Variants in PLXNA4 observed in about 807,000 individuals in gnomAD.
PLXNA4 encodes the protein plexin A4.
In PLXNA4, 44 loss-of-function variants were observed where a neutral mutation model predicts 191.8. That is an observed-to-expected ratio of 0.23 (90% confidence interval 0.18 to 0.29). The LOEUF (loss-of-function observed/expected upper bound fraction) is 0.29. Among genes scored for constraint, PLXNA4 ranks in the 10% least tolerant of loss-of-function variants. The pLI, the probability that PLXNA4 is intolerant of heterozygous loss-of-function variation, is 1.00. For synonymous variants in PLXNA4, 1,082 were observed against 1,009.5 expected (o/e 1.07, Z -1.36); for missense variants, 1,800 against 2,488.8 (o/e 0.72, Z 5.89).
At chr7:132,415,242 C>T (rs1352960659) in intron 3 of PLXNA4, among the ~76,000 whole-genome samples, 3 of 152,228 alleles carry the variant, frequency 2.0e-5, no homozygotes, top group Non-Finnish European at 2.9e-5. Flanking sequence ...ATGGGGTCAT[C>T]GCCCTGCTCC....
chr7:132,567,963 T>C (rs773572858), intron 1 of PLXNA4, among the ~76,000 whole-genome samples: 18 of 152,110 alleles, frequency 1.2e-4, no homozygotes, highest in Non-Finnish European at 2.4e-4. Context: ...CAAGTGCATT[T>C]AGGGAGGAAG....
At chr7:132,325,808 A>T (rs1802334679) in intron 3 of PLXNA4, among the ~76,000 whole-genome samples, 1 of 152,170 alleles carries the variant, frequency 6.6e-6, no homozygotes. Flanking sequence ...AAACTGACAC[A>T]CGTAAGCCCA....
At chr7:132,595,661 G>A (rs1802696623) in intron 2 of PLXNA4, among the ~76,000 whole-genome samples, 1 of 152,294 alleles carries the variant, frequency 6.6e-6, no homozygotes, top group South Asian at 2.1e-4. Flanking sequence ...TTCTCGTTCA[G>A]TCAGTACATT....
chr7:132,167,276 C>T (rs991262333), intron 22 of PLXNA4, among the ~76,000 whole-genome samples: 2 of 152,174 alleles, frequency 1.3e-5, no homozygotes, highest in Non-Finnish European at 2.9e-5. Context: ...TATGTCTTCA[C>T]ACAGGACCTT....
rs765066386 is a variant in PLXNA4, at chr7:132,228,429, G to A, written c.1645C>T (p.Arg549Cys). ...TGCTTCATCTCCGAGGCAAACCTGC[G>A]GGGCTCCTTGGACCGCTCACACCGC... Reference protein sequence around the residue: ...KERCERSKEPRRFASEMKQCV... With the variant: ...KERCERSKEPCRFASEMKQCV... The change falls in exon 6 of 32, where the codon CGC (arginine) becomes TGC (cysteine). Residue 549 changes from arginine to cysteine, a missense_variant. Arg to Cys is a radical substitution (Grantham distance 180). This residue lies in a region of PLXNA4 where 1,397 missense variants were observed against 1,880.4 expected (regional missense o/e 0.74). Coordinates refer to ENST00000321063, the MANE Select transcript of PLXNA4 (RefSeq NM_020911.2). The A allele has an allele frequency of 4.3e-6, 7 of 1,614,110 alleles. No homozygotes were observed. Among genetic ancestry groups the A allele is most frequent in the South Asian group, 1.1e-5 (1 of 91,084 alleles).
At chr7:132,166,168 G>C (rs1241856208) in intron 22 of PLXNA4, among the ~76,000 whole-genome samples, 1 of 151,798 alleles carries the variant, frequency 6.6e-6, no homozygotes, top group Non-Finnish European at 1.5e-5. Flanking sequence ...CTGCACTCCA[G>C]CCTGGCGACA....
intron 2 of PLXNA4, among the ~76,000 whole-genome samples, chr7:132,613,838 T>C (rs1385940454): frequency 1.3e-5 from 2 of 152,326 alleles, no homozygotes; most frequent in Admixed American, 6.5e-5. Flanking sequence ...AGTGTATTTT[T>C]AAATCCAGGA....
At chr7:132,137,803 G>A (rs933660948) in intron 30 of PLXNA4, among the ~76,000 whole-genome samples, 2 of 151,688 alleles carry the variant, frequency 1.3e-5, no homozygotes, top group Non-Finnish European at 2.9e-5. Flanking sequence ...GTGAGGGCAG[G>A]TGGGAGGATG....
chr7:132,141,069 G>T, intron 29 of PLXNA4, among the ~76,000 whole-genome samples: 1 of 152,162 alleles, frequency 6.6e-6, no homozygotes, highest in East Asian at 1.9e-4. Flanking sequence ...TACTTGAGAG[G>T]ACTTGATACC....
intron 5 of PLXNA4, among the ~76,000 whole-genome samples, chr7:132,238,006 C>T (rs1210770121): frequency 6.6e-6 from 1 of 152,134 alleles, no homozygotes; most frequent in Non-Finnish European, 1.5e-5. Context: ...CTATTTCATG[C>T]CACATTTTTC....
chr7:132,647,986 T>G (rs1220948698), intron 1 of PLXNA4, among the ~76,000 whole-genome samples: 1 of 151,640 alleles, frequency 6.6e-6, no homozygotes, highest in African/African-American at 2.4e-5. Flanking sequence ...TAAACACTCA[T>G]GAACACACAG....
At chr7:132,625,538 T>A (rs566924018) in intron 2 of PLXNA4, among the ~76,000 whole-genome samples, 27 of 152,272 alleles carry the variant, frequency 1.8e-4, no homozygotes, top group Non-Finnish European at 1.2e-4. Flanking sequence ...AGAGAGACCA[T>A]CACAGAAAGC....
intron 1 of PLXNA4, among the ~76,000 whole-genome samples, chr7:132,571,938 T>A (rs905333801): frequency 2.0e-5 from 3 of 152,130 alleles, no homozygotes; most frequent in Non-Finnish European, 4.4e-5. Context: ...CATGCAATTT[T>A]ATAACCTACC....
intron 2 of PLXNA4, among the ~76,000 whole-genome samples, chr7:132,618,489 A>G (rs1037558996): frequency 6.6e-6 from 1 of 152,202 alleles, no homozygotes; most frequent in African/African-American, 2.4e-5. Flanking sequence ...TTCACAAATG[A>G]TTATGTGAAA....
intron 1 of PLXNA4, among the ~76,000 whole-genome samples, chr7:132,569,678 T>C (rs1054536151): frequency 2.4e-4 from 37 of 152,260 alleles, no homozygotes; most frequent in African/African-American, 8.0e-4. Context: ...GCCTAGCTTT[T>C]TCCACAACAG....
intron 29 of PLXNA4, among the ~76,000 whole-genome samples, chr7:132,144,751 T>G (rs1306709518): frequency 6.6e-6 from 1 of 152,204 alleles, no homozygotes; most frequent in African/African-American, 2.4e-5. Context: ...CATGTCTGAT[T>G]AGCCCCGTGT....
At chr7:132,394,813 A>G (rs965876798) in intron 3 of PLXNA4, among the ~76,000 whole-genome samples, 1 of 152,182 alleles carries the variant, frequency 6.6e-6, no homozygotes, top group Non-Finnish European at 1.5e-5. Flanking sequence ...CACCCACTGC[A>G]TGTGCAGTCC....
At chr7:132,229,136 A>G (rs141562957) in intron 5 of PLXNA4, among the ~76,000 whole-genome samples, 2 of 152,230 alleles carry the variant, frequency 1.3e-5, no homozygotes, top group Non-Finnish European at 2.9e-5. Flanking sequence ...CATTTATTTT[A>G]GAATCCCCTC....
intron 4 of PLXNA4, among the ~76,000 whole-genome samples, chr7:132,293,619 C>T (rs1438409136): frequency 6.6e-6 from 1 of 152,248 alleles, no homozygotes; most frequent in Non-Finnish European, 1.5e-5. Flanking sequence ...CACTGCCCTG[C>T]TGCAGATACC....
Sources: allele counts gnomAD v4.1 joint callset (sites outside exome capture counted in the v4.1 genomes callset), GRCh38; gene constraint gnomAD v4.1.1; regional missense constraint gnomAD v4.1.1; transcripts MANE v1.5; gene names NCBI Gene and HGNC (gene_info 2026-07-23, HGNC 2026-07-21).